ASIC2: variants seen among roughly 807,000 people sequenced by gnomAD.
The protein encoded by ASIC2 is acid-sensing ion channel 2.
In ASIC2, 25 loss-of-function variants were observed where a neutral mutation model predicts 57.3. The observed-to-expected ratio is 0.44, with a 90% CI of 0.32 to 0.61. ASIC2 has a LOEUF of 0.61. ASIC2 is among the 20% of genes least tolerant of loss of function. The probability of loss-of-function intolerance (pLI) is 0.06; values close to 1 mark genes in which losing one functional copy is unlikely to be tolerated. For synonymous variants in ASIC2, 319 were observed against 307.5 expected (o/e 1.04, Z -0.39); for missense variants, 641 against 738.1 (o/e 0.87, Z 1.52).
At chr17:33,768,895 G>T (rs1324543775) in intron 1 of ASIC2, among the ~76,000 whole-genome samples, 1 of 152,112 alleles carries the variant, frequency 6.6e-6, no homozygotes, top group Non-Finnish European at 1.5e-5. Context: ...AAGACGACTT[G>T]CCCTTCCCGT....
chr17:33,079,072 G>A (rs1462121660), intron 3 of ASIC2, among the ~76,000 whole-genome samples: 2 of 152,108 alleles, frequency 1.3e-5, no homozygotes, highest in Non-Finnish European at 2.9e-5. Flanking sequence ...TCTCAAGCAG[G>A]CTGTGACATG....
intron 1 of ASIC2, among the ~76,000 whole-genome samples, chr17:33,747,556 C>T (rs539925834): frequency 6.6e-5 from 10 of 152,214 alleles, no homozygotes; most frequent in East Asian, 1.9e-4. Flanking sequence ...CCTGGAGATC[C>T]GTTGTTTATG....
chr17:33,318,139 T>G (rs1237935029), intron 1 of ASIC2, among the ~76,000 whole-genome samples: 1 of 152,158 alleles, frequency 6.6e-6, no homozygotes, highest in East Asian at 1.9e-4. Flanking sequence ...TGGGTGGATT[T>G]GGAATTTAGC....
At chr17:33,725,907 C>A (rs1467677731) in intron 1 of ASIC2, among the ~76,000 whole-genome samples, 1 of 152,138 alleles carries the variant, frequency 6.6e-6, no homozygotes, top group Non-Finnish European at 1.5e-5. Flanking sequence ...CCAGTGTTGC[C>A]GCTTCCTGGT....
intron 1 of ASIC2, among the ~76,000 whole-genome samples, chr17:33,563,371 G>A (rs1314133612): frequency 6.6e-6 from 1 of 152,146 alleles, no homozygotes; most frequent in South Asian, 2.1e-4. Context: ...AGAAGTGACT[G>A]CTCACAGGAT....
intron 1 of ASIC2, among the ~76,000 whole-genome samples, chr17:33,365,355 C>G (rs1424545464): frequency 6.6e-6 from 1 of 151,654 alleles, no homozygotes; most frequent in Non-Finnish European, 1.5e-5. Flanking sequence ...CATGAGAATG[C>G]AAGCTCCTAG....
intron 1 of ASIC2, among the ~76,000 whole-genome samples, chr17:33,983,740 T>TG (rs1270655466): frequency 2.0e-5 from 3 of 152,188 alleles, no homozygotes; most frequent in African/African-American, 4.8e-5. Flanking sequence ...GGCTCTCAAC[T>TG]GGGGGCAGTT....
chr17:33,381,390 C>G (rs568561226), intron 1 of ASIC2, among the ~76,000 whole-genome samples: 3 of 152,366 alleles, frequency 2.0e-5, no homozygotes, highest in Admixed American at 2.0e-4. Flanking sequence ...CCTCTCACAG[C>G]TGGAACCAGT....
intron 1 of ASIC2, among the ~76,000 whole-genome samples, chr17:33,707,540 T>C (rs1004574552): frequency 1.1e-4 from 16 of 152,236 alleles, no homozygotes; most frequent in Non-Finnish European, 2.1e-4. Context: ...AGAAATTTTA[T>C]TTGTTATTTT....
At chr17:33,579,350 G>A (rs111718736) in intron 1 of ASIC2, among the ~76,000 whole-genome samples, 8 of 150,268 alleles carry the variant, frequency 5.3e-5, no homozygotes, top group Admixed American at 5.3e-4. Context: ...ACTGGAACAC[G>A]ATGTGGCTTG....
chr17:33,961,314 C>T (rs1316883735), intron 1 of ASIC2, among the ~76,000 whole-genome samples: 1 of 152,202 alleles, frequency 6.6e-6, no homozygotes, highest in Non-Finnish European at 1.5e-5. Context: ...GACAAAGCCT[C>T]AGCATTTTGC....
intron 1 of ASIC2, among the ~76,000 whole-genome samples, chr17:33,784,108 C>T (rs1181274522): frequency 6.6e-6 from 1 of 152,166 alleles, no homozygotes; most frequent in African/African-American, 2.4e-5. Flanking sequence ...ATTGAGCACT[C>T]TAAGTGCTGT....
At chr17:34,051,920 C>A (rs1046326650) in intron 1 of ASIC2, among the ~76,000 whole-genome samples, 3 of 151,352 alleles carry the variant, frequency 2.0e-5, no homozygotes, top group Non-Finnish European at 2.9e-5. Context: ...CTTCTGGTAG[C>A]TGGAAGTCTA....
intron 1 of ASIC2, among the ~76,000 whole-genome samples, chr17:33,168,662 T>G (rs1252554944): frequency 6.6e-6 from 1 of 152,174 alleles, no homozygotes. Context: ...GGCAATGAAT[T>G]AGGCTATCTG....
chr17:33,317,490 T>C lies in ASIC2; in HGVS notation c.556-205423A>G, dbSNP rs183395084. Among the ~76,000 whole-genome samples the C allele has an allele frequency of 1.1e-3, 160 of 152,348 alleles. 3 individuals are homozygous for C. The highest frequency in any genetic ancestry group is 9.8e-3 in the Admixed American group (150 of 15,310). On this transcript the variant is annotated intron_variant, in intron 1 of 9. Coordinates refer to the ASIC2 transcript ENST00000359872. ...GTTTTTCACTTTGTATTTTCAAAGC[T>C]CTGTCCAAGACCTTCATCTAAGGGA...
rs758776142 is a variant in ASIC2, at chr17:33,291,825, G to T, written c.291C>A (p.Phe97Leu). Residue 97 changes from phenylalanine (F) to leucine (L), a missense_variant, in exon 1 of 10, where the codon TTC becomes TTA. Around this residue, in one of 3 missense-constraint regions of ASIC2, gnomAD observed 382 missense variants for 398.0 expected, o/e 0.96. Transcript: ENST00000225823. ...TCGAGGACCAGGACAGCAGCAAGCC[G>T]AAGGATGTACAGAAGGCCAGCACCC... ...ALWVLAFCTS[F>L]GLLLSWSSNR... The T allele has an allele frequency of 1.9e-6, 3 of 1,612,160 alleles. No homozygotes were observed. The South Asian group carries it at 3.3e-5, about 18-fold the overall frequency.
At chr17:34,087,998 GC>G (rs1204167694) in intron 1 of ASIC2, among the ~76,000 whole-genome samples, 1 of 152,136 alleles carries the variant, frequency 6.6e-6, no homozygotes, top group Admixed American at 6.5e-5. Context: ...TCCTCCTGTA[GC>G]TTGGAGTAGT....
At chr17:33,723,863 A>C (rs2142085369) in intron 1 of ASIC2, among the ~76,000 whole-genome samples, 1 of 152,348 alleles carries the variant, frequency 6.6e-6, no homozygotes, top group South Asian at 2.1e-4. Flanking sequence ...TAATGTGTGT[A>C]AATTGTACCT....
chr17:33,208,321 C>T (rs1223425919), intron 1 of ASIC2, among the ~76,000 whole-genome samples: 1 of 152,156 alleles, frequency 6.6e-6, no homozygotes, highest in Non-Finnish European at 1.5e-5. Flanking sequence ...CTTAAATCCC[C>T]TCCCCTGGCC....
Sources: allele counts gnomAD v4.1 joint callset (sites outside exome capture counted in the v4.1 genomes callset), GRCh38; gene constraint gnomAD v4.1.1; regional missense constraint gnomAD v4.1.1; transcripts MANE v1.5; gene names NCBI Gene and HGNC (gene_info 2026-07-23, HGNC 2026-07-21).